The following MPP3 variants were observed in gnomAD, a reference collection of about 807,000 sequenced individuals.
The protein encoded by MPP3 is MAGUK p55 subfamily member 3.
Under a neutral mutation model 80.7 loss-of-function variants are expected in MPP3, and 48 were observed. The ratio of observed to expected loss-of-function variants is 0.59; its 90% CI spans 0.47 to 0.76. MPP3 has a LOEUF of 0.76. MPP3 is among the 30% of genes least tolerant of loss of function. The pLI is 0.00. For synonymous variants in MPP3, 311 were observed against 297.6 expected (o/e 1.04, Z -0.46); for missense variants, 620 against 763.0 (o/e 0.81, Z 2.21).
intron 19 of MPP3, among the ~76,000 whole-genome samples, chr17:43,804,967 A>C (rs1032602172): frequency 6.6e-6 from 1 of 152,208 alleles, no homozygotes; most frequent in Admixed American, 6.5e-5. Context: ...GCAGTGAGCC[A>C]ACACCGCACC....
intron 5 of MPP3, 122 bp downstream of exon 5, chr17:43,831,122 C>T: frequency 1.1e-6 from 1 of 876,504 alleles, no homozygotes; most frequent in Non-Finnish European, 1.8e-6. Context: ...GGGAAGAAAA[C>T]ACCTCTTCAC....
chr17:43,818,704 C>A (rs1286608727), intron 11 of MPP3, among the ~76,000 whole-genome samples: 3 of 152,052 alleles, frequency 2.0e-5, no homozygotes, highest in Non-Finnish European at 2.9e-5. Flanking sequence ...GCGGGAGGAT[C>A]ACTTGAGGTC....
intron 10 of MPP3, among the ~76,000 whole-genome samples, chr17:43,821,728 T>C (rs921090324): frequency 1.3e-5 from 2 of 152,234 alleles, no homozygotes; most frequent in Non-Finnish European, 2.9e-5. Flanking sequence ...TTTAGTGGCA[T>C]GGATTAACTT....
At chr17:43,823,842 T>G in intron 10 of MPP3, 89 bp downstream of exon 10, 1 of 907,124 alleles carries the variant, frequency 1.1e-6, no homozygotes, top group South Asian at 1.5e-5. Flanking sequence ...CAAATGACTG[T>G]TACAAGAGAC....
At chr17:43,807,710 C>T (rs2154591151) in intron 19 of MPP3, among the ~76,000 whole-genome samples, 1 of 152,246 alleles carries the variant, frequency 6.6e-6, no homozygotes, top group South Asian at 2.1e-4. Context: ...AATCCCAACA[C>T]TTTGGGAAGC....
In MPP3 at chr17:43,816,098, G is replaced by A; in HGVS notation, c.968-19C>T. ...CAGGTCTCTGGGAAGCAAACAGAGG[G>A]AGGGAAGCCAGTGAGTCCCACCAGA... On this transcript the variant is annotated intron_variant, in intron 13 of 19. Coordinates refer to ENST00000398389, the MANE Select transcript of MPP3 (RefSeq NM_001932.6). 6.6e-7 allele frequency: 1 copy of A among 1,507,128 alleles called. No individual in the cohort carries two copies. The highest frequency in any genetic ancestry group is 8.8e-7 in the Non-Finnish European group (1 of 1,133,596). The allele number at this position is 1,507,128 out of a possible 1,614,324, so 93.4% of individuals were successfully genotyped here. A position where few individuals can be genotyped will look rare whatever the true frequency, so the allele number is the denominator to read the frequency against.
chr17:43,804,960 G>A (rs2044554812), intron 19 of MPP3, among the ~76,000 whole-genome samples: 1 of 152,320 alleles, frequency 6.6e-6, no homozygotes, highest in East Asian at 1.9e-4. Context: ...GGAGGTTGCA[G>A]TGAGCCAACA....
rs1357318290 is a variant in MPP3, at chr17:43,831,306, G to A, written c.160C>T (p.Arg54Cys). The change falls in exon 5 of 20, where the codon CGC becomes TGC. Residue 54 changes from arginine to cysteine, a missense_variant. Transcript: ENST00000398389. The stretch of plus-strand genomic sequence containing the variant: ...GTTGGACTTTGCCTTTCATAATAGC[G>A]AAGCTTCTCATGAATCTGCAAAGAC... The part of the protein sequence containing the change: ...SYLMKIHEKL[R>C]YYERQSPTPV... 3.1e-6 allele frequency: 5 copies of A among 1,613,934 alleles called. No individual in the cohort carries two copies. Among genetic ancestry groups the A allele is most frequent in the East Asian group, 2.2e-5 (1 of 44,880 alleles).
At chr17:43,832,147 G>T (rs890675637) in intron 2 of MPP3, 54 of 556,308 alleles carry the variant, frequency 9.7e-5, no homozygotes, top group Middle Eastern at 3.6e-4. Flanking sequence ...ATTGTGTGGG[G>T]TGATTTCTAT....
At chr17:43,831,481 T>G (rs1009447826) in intron 4 of MPP3, 78 bp downstream of exon 4, 6 of 1,331,824 alleles carry the variant, frequency 4.5e-6, no homozygotes, top group Non-Finnish European at 5.4e-6. Context: ...GGGAGATGAC[T>G]AGGATGACCT....
chr17:43,804,105 C>G (rs1598315543), intron 19 of MPP3, among the ~76,000 whole-genome samples: 1 of 152,306 alleles, frequency 6.6e-6, no homozygotes, highest in African/African-American at 2.4e-5. Flanking sequence ...CTCTTATTCT[C>G]CCAGTGACTT....
chr17:43,827,812 G>A lies in MPP3; in HGVS notation c.462C>T (p.Asp154=), dbSNP rs527564895. 5.6e-6 allele frequency: 9 copies of A among 1,613,168 alleles called. No individual in the cohort carries two copies. Among genetic ancestry groups the A allele is most frequent in the Admixed American group, 5.0e-5 (3 of 60,004 alleles). Residue 154 remains aspartate (D), a synonymous_variant, in exon 8 of 20, where the codon GAC becomes GAT. Coordinates refer to ENST00000398389, the MANE Select transcript of MPP3 (RefSeq NM_001932.6). ...CCACCACAACAGCCCCTGAGTGCTC[G>A]TCCCGCCGGATGGTGGCACCCTGAA... ...KEPLGATIRR[D]EHSGAVVVAR...
At chr17:43,820,145 A>G (rs555306914) in intron 11 of MPP3, among the ~76,000 whole-genome samples, 2 of 152,070 alleles carry the variant, frequency 1.3e-5, no homozygotes, top group African/African-American at 4.8e-5. Context: ...AGGTCTTACT[A>G]TGTTGCCTAG....
chr17:43,814,483 A>C (rs1180934786), intron 14 of MPP3, 122 bp from the exon 15 acceptor site: 24 of 917,326 alleles, frequency 2.6e-5, no homozygotes, highest in Non-Finnish European at 3.8e-5. Flanking sequence ...GACTTCTCCC[A>C]ACCTCCTCCT....
At position 43,820,906 on chromosome 17, in the gene MPP3, G is replaced by T; in HGVS notation, c.837C>A (p.Thr279=). The part of the protein sequence containing the change: ...TWWQAKRVGD[T]NLRAGLIPSK... Reference sequence around the variant, plus strand: ...AGGGGATGAGGCCGGCTCGAAGGTTGGTGTCCCCGACTCGCTTGGCCTGCC... The same window carrying T: ...AGGGGATGAGGCCGGCTCGAAGGTTTGTGTCCCCGACTCGCTTGGCCTGCC... The change falls in exon 11 of 20, where the codon ACC becomes ACA. Residue 279 remains threonine, a synonymous_variant. Transcript: ENST00000398389. 1 of 1,614,138 alleles carries T rather than the reference G, an allele frequency of 6.2e-7. No homozygotes were observed. The highest frequency in any genetic ancestry group is 1.3e-5 in the African/African-American group (1 of 75,046).
intron 9 of MPP3, among the ~76,000 whole-genome samples, chr17:43,824,229 A>C (rs1251791580): frequency 6.6e-6 from 1 of 152,200 alleles, no homozygotes. Context: ...ATTATTTTTA[A>C]GCCAGTTCAA....
At position 43,809,382 on chromosome 17, in the gene MPP3, C is replaced by T. The variant is rs563401717; in HGVS notation, c.1459-304G>A. On this transcript the variant is annotated intron_variant, in intron 18 of 19. Transcript: ENST00000398389. Reference sequence around the variant, plus strand: ...CTCTGACTCCTCCGGCTATAATTAACCTTCTCAGGCTCCTCTCCACCTTCC... The same window carrying T: ...CTCTGACTCCTCCGGCTATAATTAATCTTCTCAGGCTCCTCTCCACCTTCC... Among the ~76,000 whole-genome samples, 380 of 152,310 alleles carry T rather than the reference C, an allele frequency of 2.5e-3. 1 individual carries two copies. Among genetic ancestry groups the T allele is most frequent in the Non-Finnish European group, 3.8e-3 (260 of 68,032 alleles).
At chr17:43,816,477 CT>C (rs1394438378) in intron 13 of MPP3, among the ~76,000 whole-genome samples, 199 bp downstream of exon 13, 8 of 152,212 alleles carry the variant, frequency 5.3e-5, no homozygotes, top group Non-Finnish European at 2.9e-5. Flanking sequence ...GGAGGTGCCC[CT>C]AAGGCCTTGA....
At chr17:43,818,340 C>A (rs2045256165) in intron 11 of MPP3, among the ~76,000 whole-genome samples, 1 of 152,188 alleles carries the variant, frequency 6.6e-6, no homozygotes, top group Non-Finnish European at 1.5e-5. Context: ...AGAAATAGCT[C>A]ATCCAGCTCA....
Sources: gnomAD v4.1 joint callset for allele counts (sites outside exome capture counted in the v4.1 genomes callset) on GRCh38, gnomAD v4.1.1 for gene constraint, MANE v1.5 for transcripts, NCBI Gene and HGNC (gene_info 2026-07-23, HGNC 2026-07-21) for gene names.